The following DCHS2 variants were observed in gnomAD, a reference collection of about 807,000 sequenced individuals.
The protein encoded by DCHS2 is dachsous cadherin-related 2.
In DCHS2, 142 loss-of-function variants were observed where a neutral mutation model predicts 182.4. The observed-to-expected ratio is 0.78, with a 90% CI of 0.68 to 0.89. The LOEUF is 0.89. DCHS2 is among the 40% of genes least tolerant of loss of function. DCHS2 has a pLI of 0.00. For synonymous variants in DCHS2, 1,740 were observed against 1,663.3 expected, an observed-to-expected ratio of 1.05 and a Z score of -1.12; for missense variants, 4,319 against 4,198.6, an observed-to-expected ratio of 1.03 and a Z score of -0.79.
At chr4:154,258,923 A>G (rs768878345) in intron 15 of DCHS2, among the ~76,000 whole-genome samples, 4 of 152,174 alleles carry the variant, frequency 2.6e-5, no homozygotes, top group Admixed American at 6.6e-5. Flanking sequence ...GGGAGGTTAG[A>G]GATCTCCTAA....
intron 1 of DCHS2, among the ~76,000 whole-genome samples, chr4:154,475,390 T>A (rs1158061465): frequency 6.6e-6 from 1 of 152,150 alleles, no homozygotes; most frequent in Non-Finnish European, 1.5e-5. Context: ...TGGAGAACAA[T>A]ATAAAGTTTC....
At chr4:154,240,217 T>C (rs1466269145) in intron 18 of DCHS2, among the ~76,000 whole-genome samples, 1 of 151,912 alleles carries the variant, frequency 6.6e-6, no homozygotes, top group Non-Finnish European at 1.5e-5. Flanking sequence ...CCAAATTAAC[T>C]GCAGATAATG....
At position 154,333,218 on chromosome 4, in the gene DCHS2, G is replaced by A. The variant is rs1728571055; in HGVS notation, c.2990C>T (p.Ala997Val). 6.2e-7 allele frequency: 1 copy of A among 1,614,108 alleles called. No individual in the cohort carries two copies. The highest frequency in any genetic ancestry group is 1.1e-5 in the South Asian group (1 of 91,092). Reference sequence around the variant, plus strand: ...GTCTTCCGCACGTGCGAGGTACAAGGCTGTGCCAGGGGGCGTGGTCTGGGA... The same window carrying A: ...GTCTTCCGCACGTGCGAGGTACAAGACTGTGCCAGGGGGCGTGGTCTGGGA... ...RISQTTPPGTALYLARAEDRD... is the reference protein window; with the variant it reads ...RISQTTPPGTVLYLARAEDRD... Residue 997 changes from alanine (A) to valine (V), a missense_variant, in exon 5 of 20, where the codon GCC becomes GTC. Physicochemically the swap from Ala to Val is moderately conservative, Grantham distance 64. Transcript: ENST00000357232.
intron 3 of DCHS2, among the ~76,000 whole-genome samples, chr4:154,359,984 T>C (rs138231599): frequency 1.5e-4 from 23 of 152,194 alleles, no homozygotes; most frequent in African/African-American, 5.1e-4. Context: ...TTTAGTGTTT[T>C]TTTTTAAGTC....
chr4:154,237,228 G>A lies in DCHS2; in HGVS notation c.7493-69C>T, dbSNP rs972587940. On this transcript the variant is annotated intron_variant, in intron 19 of 19. Coordinates refer to ENST00000357232, the MANE Select transcript of DCHS2 (RefSeq NM_001358235.2). The stretch of plus-strand genomic sequence containing the variant: ...TTGATGATCCATTTAATCGGCAGTT[G>A]ACTATCCAATGTCTACTAATATGTG... 5 of 1,503,082 alleles carry A rather than the reference G, an allele frequency of 3.3e-6. No individual in the cohort carries two copies. In the African/African-American group the frequency reaches 7.0e-5, roughly 21 times the overall value. The allele number at this position is 1,503,082 out of a possible 1,614,324, so 93.1% of individuals were successfully genotyped here.
chr4:154,234,358 T>A lies in DCHS2; in HGVS notation c.*178A>T. On this transcript the variant is annotated 3_prime_UTR_variant, in exon 20 of 20. Transcript: ENST00000357232. Reference sequence around the variant, plus strand: ...ATAAGGATTAAAAGAGGAAATAACTTTTCATTAAGGCTGGAAGAAATTGGA... The same window carrying A: ...ATAAGGATTAAAAGAGGAAATAACTATTCATTAAGGCTGGAAGAAATTGGA... 4 of 869,050 alleles carry A rather than the reference T, an allele frequency of 4.6e-6. No individual in the cohort carries two copies. The East Asian group carries it at 1.1e-4, about 24-fold the overall frequency. The allele number at this position is 869,050 out of a possible 1,614,324, so 53.8% of individuals were successfully genotyped here. A position where few individuals can be genotyped will look rare whatever the true frequency, so the allele number is the denominator to read the frequency against.
At chr4:154,237,358 T>C in intron 19 of DCHS2, 199 bp from the exon 20 acceptor site, 1 of 708,700 alleles carries the variant, frequency 1.4e-6, no homozygotes, top group Non-Finnish European at 2.0e-6. Flanking sequence ...ACAGAAATAA[T>C]ATTCATGACA....
At chr4:154,281,057 C>T (rs1578905666) in intron 13 of DCHS2, among the ~76,000 whole-genome samples, 2 of 152,114 alleles carry the variant, frequency 1.3e-5, no homozygotes, top group African/African-American at 2.4e-5. Flanking sequence ...GAACTCCTGA[C>T]CTCAGGTGAT....
chr4:154,267,858 A>G (rs942493842), intron 14 of DCHS2, among the ~76,000 whole-genome samples: 1 of 152,150 alleles, frequency 6.6e-6, no homozygotes, highest in African/African-American at 2.4e-5. Context: ...ACCTATTTCC[A>G]AATCTGTGTA....
In DCHS2 at chr4:154,265,597, A is replaced by T. The variant is rs144625951; in HGVS notation, c.6577+4303T>A. Among the ~76,000 whole-genome samples, 181 of 152,308 alleles carry T rather than the reference A, an allele frequency of 1.2e-3. 1 individual carries two copies. Among genetic ancestry groups the T allele is most frequent in the African/African-American group, 4.1e-3 (169 of 41,568 alleles). On this transcript the variant is annotated intron_variant, in intron 14 of 19. Coordinates refer to ENST00000357232, the MANE Select transcript of DCHS2 (RefSeq NM_001358235.2). Reference sequence around the variant, plus strand: ...AGTTTGAGGCCAGCCTGGGCAACAAAGTGAGAACCTGTCTTTCTTTACGAG... The same window carrying T: ...AGTTTGAGGCCAGCCTGGGCAACAATGTGAGAACCTGTCTTTCTTTACGAG...
At chr4:154,253,434 C>T (rs939855628) in intron 16 of DCHS2, among the ~76,000 whole-genome samples, 4 of 152,088 alleles carry the variant, frequency 2.6e-5, no homozygotes, top group Admixed American at 6.5e-5. Flanking sequence ...GTAAGAAGAA[C>T]ACTGTAACAG....
intron 1 of DCHS2, among the ~76,000 whole-genome samples, chr4:154,408,802 CT>C (rs1183833336): frequency 1.3e-5 from 2 of 151,958 alleles, no homozygotes; most frequent in South Asian, 2.1e-4. Flanking sequence ...CTAGGAGGTA[CT>C]TTTTTTTGCG....
intron 1 of DCHS2, among the ~76,000 whole-genome samples, chr4:154,394,192 A>T (rs1258752797): frequency 1.3e-5 from 2 of 152,158 alleles, no homozygotes; most frequent in African/African-American, 4.8e-5. Context: ...CCTCAGGGTC[A>T]CCAATAATCT....
rs1303302576 is a variant in DCHS2 at position 154,489,293 on chromosome 4, G to C, written c.2052+11C>G. ...AGCCTTCAGGTTGGCCCACAGGCCT[G>C]ATGCACTCACCTGCAGAAAGCAGTG... On this transcript the variant is annotated intron_variant, in intron 1 of 19. Transcript: ENST00000357232. 6.7e-7 allele frequency: 1 copy of C among 1,500,132 alleles called. No individual in the cohort carries two copies. Among genetic ancestry groups the C allele is most frequent in the Admixed American group, 2.1e-5 (1 of 47,896 alleles). 92.9% of individuals were successfully genotyped at this position (1,500,132 alleles called of 1,614,324 possible). A position where few individuals can be genotyped will look rare whatever the true frequency, so the allele number is the denominator to read the frequency against.
chr4:154,273,435 A>G (rs1404241149), intron 13 of DCHS2, among the ~76,000 whole-genome samples: 1 of 152,112 alleles, frequency 6.6e-6, no homozygotes. Flanking sequence ...GAATGATACA[A>G]TGAACTTTGG....
intron 1 of DCHS2, among the ~76,000 whole-genome samples, chr4:154,484,286 T>C (rs1190402373): frequency 1.3e-5 from 2 of 152,218 alleles, no homozygotes; most frequent in Admixed American, 6.5e-5. Flanking sequence ...AGAACTCTCC[T>C]ACCTGGTTTC....
chr4:154,257,826 T>C (rs1256445218), intron 15 of DCHS2, among the ~76,000 whole-genome samples: 1 of 152,250 alleles, frequency 6.6e-6, no homozygotes, highest in African/African-American at 2.4e-5. Flanking sequence ...TCATTCTATC[T>C]GTCCCTGACT....
In DCHS2 at chr4:154,320,954, G is replaced by A. The variant is rs145000433; in HGVS notation, c.4445C>T (p.Thr1482Ile). 1 of 1,614,074 alleles carries A rather than the reference G, an allele frequency of 6.2e-7. No homozygotes were observed. The highest frequency in any genetic ancestry group is 8.5e-7 in the Non-Finnish European group (1 of 1,179,988). ...TSHYLFRVIT[T>I]DHSKNLSLSS... Reference sequence around the variant, plus strand: ...CAGGGAAAGGTTTTTGCTATGGTCTGTAGTAATCACTCTGAAAAGATAATG... The same window carrying A: ...CAGGGAAAGGTTTTTGCTATGGTCTATAGTAATCACTCTGAAAAGATAATG... The change falls in exon 9 of 20, where the codon ACA becomes ATA. Residue 1482 changes from threonine (T) to isoleucine (I), a missense_variant. Transcript: ENST00000357232.
rs28473491 is a variant in DCHS2, at chr4:154,329,941, G to A, written c.3731-231C>T. Among the ~76,000 whole-genome samples the A allele has an allele frequency of 8.2e-3, 1,255 of 152,218 alleles. 21 individuals carry two copies. Among genetic ancestry groups the A allele is most frequent in the African/African-American group, 0.029 (1,206 of 41,530 alleles). On this transcript the variant is annotated intron_variant, in intron 5 of 19. Coordinates refer to ENST00000357232, the MANE Select transcript of DCHS2 (RefSeq NM_001358235.2). ...TTTGTATTTCAAATTATCATCCATCGATCATTTGAACTAATAAACAATGAA... is the reference window on the plus strand; with the variant it reads ...TTTGTATTTCAAATTATCATCCATCAATCATTTGAACTAATAAACAATGAA...
Sources: gnomAD v4.1 joint callset for allele counts (sites outside exome capture counted in the v4.1 genomes callset) on GRCh38, gnomAD v4.1.1 for gene constraint, MANE v1.5 for transcripts, NCBI Gene and HGNC (gene_info 2026-07-23, HGNC 2026-07-21) for gene names.